The following RANBP10 variants were observed in gnomAD, a reference collection of about 807,000 sequenced individuals.
RANBP10 encodes RAN binding protein 10.
A neutral mutation model predicts 72.8 loss-of-function variants in RANBP10; 24 were observed. That is an observed-to-expected ratio of 0.33 (90% CI 0.24 to 0.46). The LOEUF is 0.46. RANBP10 is among the 20% of genes least tolerant of loss of function. The pLI is 1.00. For missense variants in RANBP10, 679 were observed against 817.5 expected (o/e 0.83, Z 2.07); for synonymous variants, 310 against 322.3 (o/e 0.96, Z 0.41).
chr16:67,772,191 C>T, intron 2 of RANBP10, 105 bp from the exon 3 acceptor site: 1 of 1,253,202 alleles, frequency 8.0e-7, no homozygotes, highest in Non-Finnish European at 1.1e-6. Context: ...ATGAGAAAAG[C>T]AATGAATGTA....
chr16:67,738,298 T>G (rs756394062), intron 4 of RANBP10, among the ~76,000 whole-genome samples: 2 of 146,754 alleles, frequency 1.4e-5, no homozygotes, highest in Non-Finnish European at 3.0e-5. Context: ...CCACCACGCC[T>G]GGCTAATTTT....
At chr16:67,771,130 T>C (rs1245274986) in intron 3 of RANBP10, among the ~76,000 whole-genome samples, 1 of 151,904 alleles carries the variant, frequency 6.6e-6, no homozygotes, top group Non-Finnish European at 1.5e-5. Flanking sequence ...GACATGGTGA[T>C]GAGCTCCTGT....
intron 6 of RANBP10, among the ~76,000 whole-genome samples, chr16:67,733,606 T>C (rs1288123269): frequency 6.6e-6 from 1 of 152,176 alleles, no homozygotes; most frequent in Non-Finnish European, 1.5e-5. Flanking sequence ...AGTACACAAA[T>C]TATATGCAGG....
At chr16:67,799,470 G>A (rs1266014142) in intron 2 of RANBP10, among the ~76,000 whole-genome samples, 1 of 151,884 alleles carries the variant, frequency 6.6e-6, no homozygotes. Context: ...TGTATTTTTA[G>A]TAGAGACGGG....
At chr16:67,771,611 G>A (rs2054609219) in intron 3 of RANBP10, among the ~76,000 whole-genome samples, 1 of 152,122 alleles carries the variant, frequency 6.6e-6, no homozygotes, top group African/African-American at 2.4e-5. Flanking sequence ...TCCCAAAGTG[G>A]GATTACAGGC....
At chr16:67,754,593 C>T (rs559168030) in intron 3 of RANBP10, among the ~76,000 whole-genome samples, 4 of 152,284 alleles carry the variant, frequency 2.6e-5, no homozygotes, top group African/African-American at 9.6e-5. Context: ...ACTACACTGC[C>T]GTCTTGAGAA....
intron 2 of RANBP10, among the ~76,000 whole-genome samples, chr16:67,776,334 T>C (rs915307928): frequency 2.0e-5 from 3 of 150,754 alleles, no homozygotes; most frequent in African/African-American, 7.3e-5. Context: ...TGGTGGAACA[T>C]GGCTGTAAAC....
chr16:67,750,137 C>A (rs1254456499), intron 3 of RANBP10, among the ~76,000 whole-genome samples: 1 of 152,192 alleles, frequency 6.6e-6, no homozygotes, highest in Admixed American at 6.5e-5. Context: ...GTGGGGCTCT[C>A]CTCAATGCTC....
Position 67,729,824 on chromosome 16 carries a change from G to A in RANBP10, c.1003C>T (p.Arg335Trp). Residue 335 changes from arginine to tryptophan, a missense_variant, in exon 9 of 14, where the codon CGG becomes TGG. Coordinates refer to ENST00000317506, the MANE Select transcript of RANBP10 (RefSeq NM_020850.3). This position sits in a 1 kb window ranked among gnomAD's most constrained non-coding sequence, Gnocchi z 7.1. ...CCATTCACCATCTCCACAAACTGCCGGCACCTGTGGAGGGAGCGGAGCAAT... is the reference window on the plus strand; with the variant it reads ...CCATTCACCATCTCCACAAACTGCCAGCACCTGTGGAGGGAGCGGAGCAAT... ...NPNLLFMLKC[R>W]QFVEMVNGTD... 1.9e-6 allele frequency: 3 copies of A among 1,613,842 alleles called. No individual in the cohort carries two copies. Among genetic ancestry groups the A allele is most frequent in the South Asian group, 1.1e-5 (1 of 91,062 alleles).
At chr16:67,754,472 C>A (rs903307831) in intron 3 of RANBP10, among the ~76,000 whole-genome samples, 4 of 152,172 alleles carry the variant, frequency 2.6e-5, no homozygotes, top group Non-Finnish European at 5.9e-5. Flanking sequence ...CAAACATGCA[C>A]CAAAGGCACC....
chr16:67,806,261 A>T, intron 1 of RANBP10, 41 bp downstream of exon 1: 1 of 1,537,746 alleles, frequency 6.5e-7, no homozygotes, highest in African/African-American at 1.4e-5. Context: ...CACCCCACGG[A>T]CGCTCTAGCC....
Position 67,729,610 on chromosome 16 carries a change from G to A in RANBP10, c.1147+70C>T, listed in dbSNP as rs2053681771. The stretch of plus-strand genomic sequence containing the variant: ...GCAGTGAGCCCTGAGCCCAGCCCAG[G>A]AAAGGGTATGTGGAGTGGCCTCTCT... On this transcript the variant is annotated intron_variant, in intron 9 of 13. Transcript: ENST00000317506. This position sits in a 1 kb window ranked among gnomAD's most constrained non-coding sequence, Gnocchi z 7.1. The A allele has an allele frequency of 6.4e-7, 1 of 1,561,456 alleles. No homozygotes were observed. The highest frequency in any genetic ancestry group is 8.7e-7 in the Non-Finnish European group (1 of 1,154,430).
chr16:67,768,589 G>T (rs1013552584), intron 3 of RANBP10, among the ~76,000 whole-genome samples: 1 of 152,090 alleles, frequency 6.6e-6, no homozygotes, highest in African/African-American at 2.4e-5. Context: ...GGTGGCATGT[G>T]CCGGTAGTCC....
At chr16:67,775,372 C>G (rs1293164080) in intron 2 of RANBP10, among the ~76,000 whole-genome samples, 2 of 152,116 alleles carry the variant, frequency 1.3e-5, no homozygotes, top group Non-Finnish European at 2.9e-5. Flanking sequence ...AGACTGAAAG[C>G]CTTTCATCTA....
At chr16:67,754,163 A>T (rs890277069) in intron 3 of RANBP10, among the ~76,000 whole-genome samples, 1 of 150,530 alleles carries the variant, frequency 6.6e-6, no homozygotes, top group Non-Finnish European at 1.5e-5. Flanking sequence ...GACAAGGAAG[A>T]TGGGTGGAAG....
chr16:67,736,597 G>A (rs974419697), intron 5 of RANBP10, among the ~76,000 whole-genome samples: 16 of 152,080 alleles, frequency 1.1e-4, no homozygotes, highest in South Asian at 2.1e-4. Context: ...GGCAAGGCCC[G>A]CCTCCTCCAG....
At position 67,728,033 on chromosome 16, in the gene RANBP10, A is replaced by C; in HGVS notation, c.1475-137T>G. Reference sequence around the variant, plus strand: ...CAGGGCTGGGAGGAACAGGTGAGGCAGCTACAGTCAAGGCGTTCTTCTCTT... The same window carrying C: ...CAGGGCTGGGAGGAACAGGTGAGGCCGCTACAGTCAAGGCGTTCTTCTCTT... On this transcript the variant is annotated intron_variant, in intron 11 of 13. Transcript: ENST00000317506. 4 of 916,564 alleles carry C rather than the reference A, an allele frequency of 4.4e-6. No individual in the cohort carries two copies. In the South Asian group the frequency reaches 6.2e-5, roughly 14 times the overall value. The allele number at this position is 916,564 out of a possible 1,614,324, so 56.8% of individuals were successfully genotyped here.
chr16:67,775,121 G>C (rs537384876), intron 2 of RANBP10, among the ~76,000 whole-genome samples: 1 of 152,130 alleles, frequency 6.6e-6, no homozygotes, highest in South Asian at 2.1e-4. Context: ...AGACCAGCCT[G>C]GCCAACATGG....
chr16:67,800,084 T>C (rs2055207829), intron 2 of RANBP10, among the ~76,000 whole-genome samples: 1 of 151,780 alleles, frequency 6.6e-6, no homozygotes, highest in Non-Finnish European at 1.5e-5. Flanking sequence ...ATTGTGCCAC[T>C]GCACTCCAGC....
Sources: gnomAD v4.1 joint callset for allele counts (sites outside exome capture counted in the v4.1 genomes callset) on GRCh38, gnomAD v4.1.1 for gene constraint, Gnocchi (gnomAD v3.1) non-coding constraint, MANE v1.5 for transcripts, NCBI Gene and HGNC (gene_info 2026-07-23, HGNC 2026-07-21) for gene names.